Variants in PAX5 observed in about 807,000 individuals in gnomAD.
The protein encoded by PAX5 is paired box protein Pax-5.
PAX5 carries 9 observed loss-of-function variants against 43.7 expected under a neutral mutation model. The ratio of observed to expected loss-of-function variants is 0.21; its 90% CI spans 0.12 to 0.36. PAX5 has a LOEUF of 0.36. PAX5 is among the 10% of genes least tolerant of loss of function. PAX5 has a pLI of 1.00. For synonymous variants in PAX5, 228 were observed against 214.3 expected (o/e 1.06, Z -0.56); for missense variants, 383 against 532.7 (o/e 0.72, Z 2.77).
chr9:37,024,861 C>T (rs1212219920), intron 1 of PAX5, among the ~76,000 whole-genome samples: 1 of 152,192 alleles, frequency 6.6e-6, no homozygotes, highest in Admixed American at 6.5e-5. Context: ...GAGCGCTGGG[C>T]GGAAGGACAC....
chr9:36,864,626 C>T (rs1824643987), intron 8 of PAX5, among the ~76,000 whole-genome samples: 2 of 152,222 alleles, frequency 1.3e-5, no homozygotes, highest in Non-Finnish European at 2.9e-5. Flanking sequence ...GGCTGGTGGG[C>T]CTGAGCGTGG....
intron 5 of PAX5, among the ~76,000 whole-genome samples, chr9:36,996,906 AGT>A (rs1780806471): frequency 4.6e-5 from 7 of 151,970 alleles, no homozygotes; most frequent in Non-Finnish European, 1.0e-4. Context: ...GGAGAGAGAG[AGT>A]GTGTGTGTGA....
chr9:36,979,985 T>C (rs1835771960), intron 5 of PAX5, among the ~76,000 whole-genome samples: 1 of 152,170 alleles, frequency 6.6e-6, no homozygotes, highest in African/African-American at 2.4e-5. Flanking sequence ...GGTTCTCAGG[T>C]CAAGACTTTT....
At chr9:36,936,349 C>A (rs544264354) in intron 6 of PAX5, among the ~76,000 whole-genome samples, 4 of 152,332 alleles carry the variant, frequency 2.6e-5, no homozygotes, top group African/African-American at 9.6e-5. Flanking sequence ...GGGTCACGAG[C>A]AGCTCCAGAG....
chr9:36,966,583 A>G lies in PAX5; in HGVS notation c.746T>C (p.Ile249Thr), dbSNP rs1156669609. Residue 249 changes from isoleucine to threonine, a missense_variant, in exon 6 of 10, where the codon ATC becomes ACC. Physicochemically the swap from Ile to Thr is moderately conservative, Grantham distance 89. Around this residue, in one of 5 missense-constraint regions of PAX5, gnomAD observed 291 missense variants for 342.5 expected, o/e 0.85. Transcript: ENST00000358127. The stretch of plus-strand genomic sequence containing the variant: ...CTTGATGGGCTCTGTGGTGGTGAAG[A>G]TGTCTGAGTAGTGCTGCCTCTCAAA... ...RVFERQHYSD[I>T]FTTTEPIKPE... 6.2e-7 allele frequency: 1 copy of G among 1,614,004 alleles called. No homozygotes were observed. Among genetic ancestry groups the G allele is most frequent in the Non-Finnish European group, 8.5e-7 (1 of 1,180,030 alleles).
chr9:36,977,072 T>G (rs919259450), intron 5 of PAX5, among the ~76,000 whole-genome samples: 1 of 152,004 alleles, frequency 6.6e-6, no homozygotes, highest in Non-Finnish European at 1.5e-5. Context: ...ATAATTGCAA[T>G]GTAGTGCGAT....
At chr9:37,002,427 G>A (rs1837961342) in intron 5 of PAX5, among the ~76,000 whole-genome samples, 1 of 152,236 alleles carries the variant, frequency 6.6e-6, no homozygotes, top group Admixed American at 6.5e-5. Flanking sequence ...CCATGGGGGA[G>A]GCCAGCAAGA....
rs564503072 is a variant in PAX5, at chr9:36,860,510, G to A, written c.1013-13581C>T. On this transcript the variant is annotated intron_variant, in intron 8 of 9. Coordinates refer to ENST00000358127, the MANE Select transcript of PAX5 (RefSeq NM_016734.3). ...TTTGAGAGACAGGGGGCAGGGACTCGGTACTCAGTGTGCAGCATGTTAGAG... is the reference window on the plus strand; with the variant it reads ...TTTGAGAGACAGGGGGCAGGGACTCAGTACTCAGTGTGCAGCATGTTAGAG... Among the ~76,000 whole-genome samples, 6 of 152,230 alleles carry A rather than the reference G, an allele frequency of 3.9e-5. No individual in the cohort carries two copies. In the East Asian group the frequency reaches 7.7e-4, roughly 20 times the overall value.
intron 3 of PAX5, among the ~76,000 whole-genome samples, chr9:37,012,592 A>G (rs1199902218): frequency 6.6e-6 from 1 of 152,198 alleles, no homozygotes; most frequent in Non-Finnish European, 1.5e-5. Flanking sequence ...CGGGCCCGTG[A>G]TCTCTCTTGA....
intron 6 of PAX5, among the ~76,000 whole-genome samples, chr9:36,940,228 C>A (rs887900312): frequency 2.0e-5 from 3 of 152,166 alleles, no homozygotes; most frequent in African/African-American, 7.2e-5. Context: ...CTGTAATGGC[C>A]CGACTGCAGC....
chr9:36,906,846 T>C (rs10123925), intron 7 of PAX5, among the ~76,000 whole-genome samples: 53,018 of 152,040 alleles, frequency 0.35, 10,697 homozygotes, highest in African/African-American at 0.57. Context: ...TTCATCTACA[T>C]AGTGAGTTCT....
At chr9:36,965,356 ATTTG>A (rs1391231911) in intron 6 of PAX5, among the ~76,000 whole-genome samples, 1 of 152,150 alleles carries the variant, frequency 6.6e-6, no homozygotes, top group Non-Finnish European at 1.5e-5. Context: ...CACTCATCAT[ATTTG>A]TTATGTGAAT....
intron 8 of PAX5, among the ~76,000 whole-genome samples, chr9:36,848,430 C>G (rs1410017251): frequency 2.0e-5 from 3 of 151,902 alleles, no homozygotes. Context: ...CCCAGCCTGA[C>G]AGGCTGAGCC....
At chr9:36,881,715 G>A (rs1021595084) in intron 8 of PAX5, among the ~76,000 whole-genome samples, 5 of 151,954 alleles carry the variant, frequency 3.3e-5, no homozygotes, top group Non-Finnish European at 5.9e-5. Context: ...TGGGTGACCT[G>A]CAGCCAGCCC....
intron 8 of PAX5, among the ~76,000 whole-genome samples, chr9:36,859,265 A>G (rs998012113): frequency 5.3e-5 from 8 of 152,092 alleles, no homozygotes; most frequent in Admixed American, 5.2e-4. Context: ...CGCGCACATA[A>G]ATTACTTGCA....
At chr9:36,915,260 A>G (rs1316475937) in intron 7 of PAX5, among the ~76,000 whole-genome samples, 2 of 152,192 alleles carry the variant, frequency 1.3e-5, no homozygotes. Context: ...TGTAGCTCTA[A>G]AAAAAGAAAA....
At chr9:36,930,762 A>G in intron 6 of PAX5, 2 of 1,004,592 alleles carry the variant, frequency 2.0e-6, no homozygotes, top group Admixed American at 5.2e-5. Context: ...CTGAGGGGTA[A>G]GGAGAGGGAC....
intron 3 of PAX5, among the ~76,000 whole-genome samples, chr9:37,012,790 G>A (rs922464883): frequency 6.6e-6 from 1 of 152,180 alleles, no homozygotes; most frequent in Non-Finnish European, 1.5e-5. Context: ...CACTGGTTTG[G>A]TGTGTTACTT....
At chr9:36,916,229 T>TC (rs1388125282) in intron 7 of PAX5, among the ~76,000 whole-genome samples, 2 of 152,208 alleles carry the variant, frequency 1.3e-5, no homozygotes, top group African/African-American at 4.8e-5. Context: ...CCTTTTTTTC[T>TC]ACTGATTTCA....
Sources: gnomAD v4.1 joint callset for allele counts (sites outside exome capture counted in the v4.1 genomes callset) on GRCh38, gnomAD v4.1.1 for gene constraint, gnomAD v4.1.1 regional missense constraint, MANE v1.5 for transcripts, NCBI Gene and HGNC (gene_info 2026-07-23, HGNC 2026-07-21) for gene names.